The following ARAP2 variants were observed in gnomAD, a reference collection of about 807,000 sequenced individuals.
ARAP2 encodes the protein arf-GAP with Rho-GAP domain, ANK repeat and PH domain-containing protein 2.
ARAP2 carries 148 observed loss-of-function variants against 194.5 expected under a neutral mutation model. The ratio of observed to expected loss-of-function variants is 0.76; its 90% CI spans 0.67 to 0.87. The LOEUF (loss-of-function observed/expected upper bound fraction) is 0.87. Among genes scored for constraint, ARAP2 ranks in the 40% least tolerant of loss-of-function variants. The pLI is 0.00. For missense variants in ARAP2, 2,128 were observed against 1,989.7 expected (o/e 1.07, Z -1.32); for synonymous variants, 695 against 683.5 (o/e 1.02, Z -0.26).
chr4:36,192,250 C>A (rs1742096061), intron 7 of ARAP2, among the ~76,000 whole-genome samples: 1 of 126,130 alleles, frequency 7.9e-6, no homozygotes, highest in South Asian at 2.6e-4. Context: ...CAGAAAATAA[C>A]AACTTAAATT....
At chr4:36,163,793 A>G (rs1734641679) in intron 11 of ARAP2, among the ~76,000 whole-genome samples, 1 of 152,246 alleles carries the variant, frequency 6.6e-6, no homozygotes, top group African/African-American at 2.4e-5. Flanking sequence ...AGCTGTGAAC[A>G]GCACAAAGGC....
In ARAP2 at chr4:36,092,971, A is replaced by G. The variant is rs55842962; in HGVS notation, c.4286-951T>C. On this transcript the variant is annotated intron_variant, in intron 27 of 32. Transcript: ENST00000303965. The stretch of plus-strand genomic sequence containing the variant: ...AAGGTAGAACATTTACCCATCAATG[A>G]TAGACTGAATAAAGAAAATACGGTA... Among the ~76,000 whole-genome samples, 834 of 152,308 alleles carry G rather than the reference A, an allele frequency of 5.5e-3. 9 individuals are homozygous for G. Among genetic ancestry groups the G allele is most frequent in the African/African-American group, 0.019 (787 of 41,572 alleles).
At chr4:36,095,698 A>G (rs1420616494) in intron 27 of ARAP2, among the ~76,000 whole-genome samples, 1 of 151,998 alleles carries the variant, frequency 6.6e-6, no homozygotes, top group African/African-American at 2.4e-5. Context: ...AGAACATCAA[A>G]TTTGTATTTG....
rs61146054 is a variant in ARAP2, at chr4:36,094,128, C to A, written c.4286-2108G>T. 8.3e-3 allele frequency among the ~76,000 whole-genome samples: 1,267 copies of A among 152,188 alleles called. 21 individuals carry two copies. The highest frequency in any genetic ancestry group is 0.029 in the African/African-American group (1,213 of 41,522). ...AGATTGGCAAATTATGGCTGCAGGC[C>A]AAATCCAACCCTCTGCTTATTTTTA... On this transcript the variant is annotated intron_variant, in intron 27 of 32. Coordinates refer to ENST00000303965, the MANE Select transcript of ARAP2 (RefSeq NM_015230.4).
intron 11 of ARAP2, among the ~76,000 whole-genome samples, chr4:36,162,693 A>T (rs1342566092): frequency 6.6e-6 from 1 of 151,648 alleles, no homozygotes; most frequent in Non-Finnish European, 1.5e-5. Context: ...ATTTATAATG[A>T]CTACCTACAG....
rs1754165003 is a variant in ARAP2, at chr4:36,244,163, G to C, written c.-160+16C>G. 6.6e-6 allele frequency: 1 copy of C among 151,920 alleles called. No homozygotes were observed. The highest frequency in any genetic ancestry group is 2.4e-5 in the African/African-American group (1 of 41,360). 9.4% of individuals were successfully genotyped at this position (151,920 alleles called of 1,614,324 possible). On this transcript the variant is annotated intron_variant, in intron 1 of 32. Transcript: ENST00000303965. Reference sequence around the variant, plus strand: ...GGCCATCCCGGCCCAGCCTTCCCGAGGCCCCGGGTACTCGCCTTGCGCTCG... The same window carrying C: ...GGCCATCCCGGCCCAGCCTTCCCGACGCCCCGGGTACTCGCCTTGCGCTCG...
At chr4:36,047,765 T>C (rs1010290666) in intron 3 of ARAP2, among the ~76,000 whole-genome samples, 16 of 152,318 alleles carry the variant, frequency 1.1e-4, no homozygotes, top group African/African-American at 3.8e-4. Flanking sequence ...CCAATGCCTT[T>C]TAGGTTTATT....
chr4:36,171,987 C>T lies in ARAP2; in HGVS notation c.1858-4940G>A, dbSNP rs918499679. Among the ~76,000 whole-genome samples the T allele has an allele frequency of 3.3e-5, 5 of 152,224 alleles. No homozygotes were observed. The South Asian group carries it at 8.3e-4, about 25-fold the overall frequency. On this transcript the variant is annotated intron_variant, in intron 9 of 32. Transcript: ENST00000303965. Reference sequence around the variant, plus strand: ...AGGCATGAGCCAGGGATAAGCCAAACTATCAACCTTTAAAATGCTATAAAC... The same window carrying T: ...AGGCATGAGCCAGGGATAAGCCAAATTATCAACCTTTAAAATGCTATAAAC...
intron 9 of ARAP2, among the ~76,000 whole-genome samples, chr4:36,176,088 C>T (rs988315660): frequency 2.0e-5 from 3 of 152,176 alleles, no homozygotes; most frequent in Non-Finnish European, 4.4e-5. Flanking sequence ...CAGAAAATTT[C>T]TCTTCAACCT....
At chr4:36,064,774 G>C (rs1295797487), downstream of ARAP2, among the ~76,000 whole-genome samples, 1 of 152,224 alleles carries the variant, frequency 6.6e-6, no homozygotes, top group Admixed American at 6.5e-5. Flanking sequence ...CATGGGCCCA[G>C]GCCTTTCACA....
intron 5 of ARAP2, among the ~76,000 whole-genome samples, chr4:36,039,868 T>C (rs890452944): frequency 6.6e-5 from 10 of 152,000 alleles, no homozygotes; most frequent in African/African-American, 2.4e-4. Context: ...CTAAAATATA[T>C]TAACTCAGCA....
intron 10 of ARAP2, chr4:36,005,959 T>C (rs1713190279): frequency 1.3e-5 from 2 of 152,366 alleles, no homozygotes; most frequent in South Asian, 4.1e-4. Flanking sequence ...TTGATGCAAC[T>C]AGCTTCTCGG....
intron 25 of ARAP2, among the ~76,000 whole-genome samples, chr4:36,115,407 T>C (rs1453603861): frequency 6.6e-6 from 1 of 151,988 alleles, no homozygotes. Context: ...GAACAAACAA[T>C]ATTTTTAAGG....
chr4:36,224,945 T>C (rs938647969), intron 2 of ARAP2, among the ~76,000 whole-genome samples: 2 of 152,216 alleles, frequency 1.3e-5, no homozygotes, highest in Non-Finnish European at 2.9e-5. Flanking sequence ...CTGTACTTTT[T>C]GCTCATATGT....
intron 8 of ARAP2, among the ~76,000 whole-genome samples, chr4:36,178,436 T>C (rs1407955469): frequency 6.6e-6 from 1 of 152,208 alleles, no homozygotes; most frequent in Non-Finnish European, 1.5e-5. Context: ...GCAAGTCAGT[T>C]ACTCAAAGAC....
Position 36,229,629 on chromosome 4 carries a change from G to A in ARAP2, c.-143C>T. On this transcript the variant is annotated 5_prime_UTR_variant, in exon 2 of 33. Transcript: ENST00000303965. ...AAATGTTATTTTCTTCACAGTGACT[G>A]CTTTACCTGCTTAAGCCTAGAAAAA... The A allele has an allele frequency of 1.7e-6, 1 of 572,546 alleles. No homozygotes were observed. The highest frequency in any genetic ancestry group is 3.0e-6 in the Non-Finnish European group (1 of 337,918). The allele number at this position is 572,546 out of a possible 1,614,324, so 35.5% of individuals were successfully genotyped here.
intron 9 of ARAP2, among the ~76,000 whole-genome samples, chr4:36,177,467 G>T (rs1282403960): frequency 6.6e-6 from 1 of 152,106 alleles, no homozygotes; most frequent in Admixed American, 6.5e-5. Flanking sequence ...AGCACAGGGT[G>T]CAGAACTGGT....
chr4:36,065,328 A>T (rs1725220405), downstream of ARAP2: 3 of 500,986 alleles, frequency 6.0e-6, no homozygotes, highest in South Asian at 4.5e-5. Flanking sequence ...TGTCCCAAAG[A>T]GCTGGCTGTA....
At chr4:36,056,577 A>G (rs1398679269) in intron 2 of ARAP2, among the ~76,000 whole-genome samples, 1 of 152,178 alleles carries the variant, frequency 6.6e-6, no homozygotes, top group South Asian at 2.1e-4. Context: ...GAACCAGAAC[A>G]TGTATAGGTT....
Sources: allele counts gnomAD v4.1 joint callset (sites outside exome capture counted in the v4.1 genomes callset), GRCh38; gene constraint gnomAD v4.1.1; transcripts MANE v1.5; gene names NCBI Gene and HGNC (gene_info 2026-07-23, HGNC 2026-07-21).